Variants in VPS37A observed in about 807,000 individuals in gnomAD.
The protein encoded by VPS37A is vacuolar protein sorting-associated protein 37A.
In VPS37A, 30 loss-of-function variants were observed where a neutral mutation model predicts 49.8. That is an observed-to-expected ratio of 0.60 (90% CI 0.45 to 0.82). The LOEUF is 0.82. Among genes scored for constraint, VPS37A ranks in the 40% least tolerant of loss-of-function variants. VPS37A has a pLI of 0.00. For synonymous variants in VPS37A, 195 were observed against 160.6 expected (o/e 1.21, Z -1.62); for missense variants, 593 against 464.4 (o/e 1.28, Z -2.55).
intron 1 of VPS37A, among the ~76,000 whole-genome samples, chr8:17,261,575 G>A (rs531163414): frequency 6.6e-6 from 1 of 152,140 alleles, no homozygotes; most frequent in East Asian, 1.9e-4. Flanking sequence ...TATTTATTCT[G>A]GTCTTCTCTC....
At chr8:17,292,044 G>A (rs140136007) in intron 11 of VPS37A, among the ~76,000 whole-genome samples, 10,161 of 151,974 alleles carry the variant, frequency 0.067, 477 homozygotes, top group Non-Finnish European at 0.1. Context: ...TTTCTGTCTC[G>A]TTGATCTAAT....
At chr8:17,305,996 T>A (rs747942937), downstream of VPS37A, 5 of 1,526,166 alleles carry the variant, frequency 3.3e-6, no homozygotes, top group South Asian at 6.0e-5. Flanking sequence ...AAGGCAGATT[T>A]ATTTTTAAAG....
intron 1 of VPS37A, among the ~76,000 whole-genome samples, chr8:17,262,849 T>G (rs1278114783): frequency 6.6e-6 from 1 of 151,826 alleles, no homozygotes; most frequent in Non-Finnish European, 1.5e-5. Context: ...GATCACGAGG[T>G]CAAGAGATTG....
At chr8:17,288,222 C>CT (rs1262372670) in intron 11 of VPS37A, among the ~76,000 whole-genome samples, 1 of 151,942 alleles carries the variant, frequency 6.6e-6, no homozygotes, top group Admixed American at 6.6e-5. Context: ...ATAGGAAAAT[C>CT]TTTTTTATTA....
Position 17,247,202 on chromosome 8 carries a change from G to T in VPS37A, c.-43G>T. ...CCGGGCCGAGCCACTGGGAGAAGCA[G>T]GCCAGAGCCTTCCAGGGCCTCCGGC... On this transcript the variant is annotated 5_prime_UTR_variant, in exon 1 of 12. It adds an upstream start codon to the 5' untranslated region. Coordinates refer to ENST00000324849, the MANE Select transcript of VPS37A (RefSeq NM_152415.3). The T allele has an allele frequency of 6.4e-7, 1 of 1,557,634 alleles. No homozygotes were observed. The highest frequency in any genetic ancestry group is 8.7e-7 in the Non-Finnish European group (1 of 1,150,794).
chr8:17,250,626 C>G (rs1486361801), intron 1 of VPS37A, among the ~76,000 whole-genome samples: 1 of 152,162 alleles, frequency 6.6e-6, no homozygotes, highest in Non-Finnish European at 1.5e-5. Context: ...ATTCTGTCAT[C>G]TCCCTTCCAA....
rs147060104 is a variant in VPS37A at position 17,250,636 on chromosome 8, A to C, written c.125+3267A>C. 1.8e-4 allele frequency among the ~76,000 whole-genome samples: 27 copies of C among 151,910 alleles called. No homozygotes were observed. In the East Asian group the frequency reaches 3.9e-3, roughly 22 times the overall value. On this transcript the variant is annotated intron_variant, in intron 1 of 11. Coordinates refer to ENST00000324849, the MANE Select transcript of VPS37A (RefSeq NM_152415.3). ...ACCCCATTCTGTCATCTCCCTTCCA[A>C]CTCTTACAATTTTTAACCCCTTATA...
At position 17,276,462 on chromosome 8, in the gene VPS37A, A is replaced by C; in HGVS notation, c.708A>C (p.Glu236Asp). 1 of 1,609,754 alleles carries C rather than the reference A, an allele frequency of 6.2e-7. No individual in the cohort carries two copies. Among genetic ancestry groups the C allele is most frequent in the Non-Finnish European group, 8.5e-7 (1 of 1,178,160 alleles). Residue 236 changes from glutamate (E) to aspartate (D), a missense_variant, in exon 6 of 12, where the codon GAA becomes GAC. Transcript: ENST00000324849. ...CTGATGCATTTCCAGAACTCTCAGAACTAAGGTAAACCTGGAAAGTAAAGT... is the reference window on the plus strand; with the variant it reads ...CTGATGCATTTCCAGAACTCTCAGACCTAAGGTAAACCTGGAAAGTAAAGT... Reference protein sequence around the residue: ...DVPDAFPELSELSVSQLTDMN... With the variant: ...DVPDAFPELSDLSVSQLTDMN...
At chr8:17,285,625 T>G (rs187043257) in intron 10 of VPS37A, among the ~76,000 whole-genome samples, 1 of 152,258 alleles carries the variant, frequency 6.6e-6, no homozygotes, top group East Asian at 1.9e-4. Context: ...GAGGTGGATT[T>G]TATCATTCCC....
chr8:17,254,513 A>T (rs1246571423), intron 1 of VPS37A, among the ~76,000 whole-genome samples: 1 of 152,140 alleles, frequency 6.6e-6, no homozygotes, highest in Admixed American at 6.5e-5. Flanking sequence ...CTTCCCCCCA[A>T]ACTCTTAGTT....
chr8:17,307,138 C>T (rs1210010570), downstream of VPS37A, among the ~76,000 whole-genome samples: 1 of 152,102 alleles, frequency 6.6e-6, no homozygotes, highest in African/African-American at 2.4e-5. Flanking sequence ...GCAACCTACT[C>T]ATCTGACAAA....
downstream of VPS37A, chr8:17,298,794 C>T (rs183205876): frequency 6.6e-6 from 1 of 152,622 alleles, no homozygotes; most frequent in African/African-American, 2.4e-5. Flanking sequence ...GAGGGACTCT[C>T]CCTTAAATGT....
Position 17,286,268 on chromosome 8 carries a change from T to G in VPS37A, c.1114-79T>G, listed in dbSNP as rs992475565. The G allele has an allele frequency of 8.1e-6, 9 of 1,115,386 alleles. No homozygotes were observed. In the African/African-American group the frequency reaches 1.4e-4, roughly 18 times the overall value. 69.1% of individuals were successfully genotyped at this position (1,115,386 alleles called of 1,614,324 possible). ...AAATAATGCCAACAAGTTAAAAGCT[T>G]CCTGTCATACTGTTGGAAGTAAAGT... is the stretch of plus-strand genomic sequence containing the variant. On this transcript the variant is annotated intron_variant, in intron 10 of 11. Transcript: ENST00000324849.
chr8:17,314,632 G>C, the VPS37A span, among the ~76,000 whole-genome samples: 1 of 152,178 alleles, frequency 6.6e-6, no homozygotes, highest in South Asian at 2.1e-4. Context: ...AAAAGCACAA[G>C]TAGTTAAATT....
chr8:17,315,318 A>G, the VPS37A span, among the ~76,000 whole-genome samples: 2 of 152,192 alleles, frequency 1.3e-5, no homozygotes, highest in African/African-American at 4.8e-5. Context: ...TAAAAAAATC[A>G]GCGGCTGCCA....
chr8:17,265,470 T>A (rs1184095391), intron 1 of VPS37A, among the ~76,000 whole-genome samples: 1 of 152,192 alleles, frequency 6.6e-6, no homozygotes, highest in Non-Finnish European at 1.5e-5. Flanking sequence ...GATTGTAGGA[T>A]GCGTCTCATC....
chr8:17,322,596 G>C, the VPS37A span, among the ~76,000 whole-genome samples: 1 of 152,192 alleles, frequency 6.6e-6, no homozygotes, highest in African/African-American at 2.4e-5. Flanking sequence ...AAGGCAGTAG[G>C]ATTGCTTGAG....
At chr8:17,308,198 T>G in the VPS37A span, among the ~76,000 whole-genome samples, 2 of 152,144 alleles carry the variant, frequency 1.3e-5, no homozygotes, top group African/African-American at 4.8e-5. Flanking sequence ...TTGCCTAATA[T>G]TAACGTATTT....
chr8:17,294,547 G>A (rs1448085148), intron 11 of VPS37A, among the ~76,000 whole-genome samples: 1 of 152,150 alleles, frequency 6.6e-6, no homozygotes, highest in Non-Finnish European at 1.5e-5. Context: ...ACCTAGTTTT[G>A]TGGTTGAAAC....
Sources: allele counts gnomAD v4.1 joint callset (sites outside exome capture counted in the v4.1 genomes callset), GRCh38; gene constraint gnomAD v4.1.1; transcripts MANE v1.5; gene names NCBI Gene and HGNC (gene_info 2026-07-23, HGNC 2026-07-21).